HNF1B: variants seen among roughly 807,000 people sequenced by gnomAD.
HNF1B encodes hepatocyte nuclear factor 1-beta.
HNF1B carries 8 observed loss-of-function variants against 61.7 expected under a neutral mutation model. The ratio of observed to expected loss-of-function variants is 0.13; its 90% confidence interval spans 0.08 to 0.23. The LOEUF (loss-of-function observed/expected upper bound fraction) is 0.23, where lower values mean the gene tolerates loss of function less well. Among genes scored for constraint, HNF1B ranks in the 10% least tolerant of loss-of-function variants. HNF1B has a pLI of 1.00. For missense variants in HNF1B, 562 were observed against 714.5 expected (o/e 0.79, Z 2.43); for synonymous variants, 314 against 287.7 (o/e 1.09, Z -0.93).
intron 4 of HNF1B, among the ~76,000 whole-genome samples, chr17:37,717,303 G>A (rs1051886073): frequency 6.6e-6 from 1 of 152,158 alleles, no homozygotes; most frequent in Non-Finnish European, 1.5e-5. Context: ...CTCTGCCAGC[G>A]TAAGTGAGCG....
Position 37,744,919 on chromosome 17 carries a change from T to TGGGGGGGGGG in HNF1B, c.-36_-35insCCCCCCCCCC. The TGGGGGGGGGG allele has an allele frequency of 2.6e-6, 1 of 378,268 alleles. No individual in the cohort carries two copies. The highest frequency in any genetic ancestry group is 5.0e-5 in the East Asian group (1 of 20,032). The allele number at this position is 378,268 out of a possible 1,614,324, so 23.4% of individuals were successfully genotyped here. ...ACGGAAAAAGAAGGGGGTGAGGGGG[T>TGGGGGGGGGG]GGGTGGGTGCGAGAGAGGAGGGTGG... On this transcript the variant is annotated 5_prime_UTR_variant, in exon 1 of 9. Transcript: ENST00000617811.
chr17:37,718,655 A>G (rs1328539731), intron 4 of HNF1B, among the ~76,000 whole-genome samples: 1 of 152,166 alleles, frequency 6.6e-6, no homozygotes, highest in Non-Finnish European at 1.5e-5. Context: ...ACGACCCACT[A>G]ATAGCTTGAA....
chr17:37,723,018 AGAG>A (rs372922193), intron 4 of HNF1B, among the ~76,000 whole-genome samples: 8 of 152,190 alleles, frequency 5.3e-5, no homozygotes, highest in African/African-American at 1.9e-4. Context: ...AATACACATG[AGAG>A]GAGTACTCAC....
In HNF1B at chr17:37,687,007, C is replaced by T. The variant is rs1179856731; in HGVS notation, c.*365G>A. Reference sequence around the variant, plus strand: ...GTTCAATAGCACATGTCCTTCTCTCCTCATTTCAGTAACAGATTCAAGTTT... The same window carrying T: ...GTTCAATAGCACATGTCCTTCTCTCTTCATTTCAGTAACAGATTCAAGTTT... On this transcript the variant is annotated 3_prime_UTR_variant, in exon 9 of 9. Coordinates refer to ENST00000617811, the MANE Select transcript of HNF1B (RefSeq NM_000458.4). 6 of 500,674 alleles carry T rather than the reference C, an allele frequency of 1.2e-5. No individual in the cohort carries two copies. The highest frequency in any genetic ancestry group is 2.2e-5 in the Non-Finnish European group (6 of 274,230). 31.0% of individuals were successfully genotyped at this position (500,674 alleles called of 1,614,324 possible).
intron 1 of HNF1B, among the ~76,000 whole-genome samples, chr17:37,742,852 G>A (rs1373501648): frequency 1.3e-5 from 2 of 151,364 alleles, no homozygotes; most frequent in South Asian, 2.1e-4. Context: ...AGGGCCGCAC[G>A]GGGCGCCTGG....
chr17:37,715,570 A>G (rs2033080720), intron 4 of HNF1B, among the ~76,000 whole-genome samples: 2 of 152,190 alleles, frequency 1.3e-5, no homozygotes, highest in South Asian at 4.1e-4. Context: ...CTGTGTGTAC[A>G]TATGCGCACC....
At chr17:37,693,197 A>G (rs1182516428) in intron 8 of HNF1B, among the ~76,000 whole-genome samples, 3 of 142,316 alleles carry the variant, frequency 2.1e-5, no homozygotes, top group African/African-American at 8.2e-5. Flanking sequence ...CTCAAAAAAA[A>G]AAAAAAAAAA....
chr17:37,711,880 C>T (rs1356793105), intron 4 of HNF1B, among the ~76,000 whole-genome samples: 1 of 152,200 alleles, frequency 6.6e-6, no homozygotes, highest in Admixed American at 6.5e-5. Context: ...CCACCCACCC[C>T]CTGCCCTAGC....
intron 6 of HNF1B, among the ~76,000 whole-genome samples, chr17:37,701,793 G>A (rs1057104740): frequency 1.3e-5 from 2 of 152,146 alleles, no homozygotes; most frequent in Non-Finnish European, 2.9e-5. Flanking sequence ...TCTGCGAGGC[G>A]GGCATATCTT....
chr17:37,696,909 C>T (rs572392448), intron 8 of HNF1B, among the ~76,000 whole-genome samples: 30 of 152,324 alleles, frequency 2.0e-4, no homozygotes, highest in African/African-American at 6.0e-4. Flanking sequence ...CTTCACTGTG[C>T]CTTTCCCATT....
Position 37,704,941 on chromosome 17 carries a change from A to G in HNF1B, c.1315T>C (p.Ser439Pro). 1 of 1,614,032 alleles carries G rather than the reference A, an allele frequency of 6.2e-7. No homozygotes were observed. The highest frequency in any genetic ancestry group is 1.1e-5 in the South Asian group (1 of 91,076). The change falls in exon 6 of 9, where the codon TCT becomes CCT. Residue 439 changes from serine to proline, a missense_variant. By Grantham distance (74) the Ser-to-Pro change is moderately conservative (BLOSUM62 -1). Transcript: ENST00000617811. ...QSQNLIMTPL[S>P]GVMAIAQSLN... is the part of the protein sequence containing the mutation. ...CTTTGTGCAATTGCCATGACTCCAG[A>G]GAGGGGTGTCATGATGAGGTTTTGA...
intron 8 of HNF1B, among the ~76,000 whole-genome samples, chr17:37,696,513 C>T (rs562670458): frequency 6.6e-6 from 1 of 152,288 alleles, no homozygotes. Flanking sequence ...CACACTCTCA[C>T]CACGTGATGC....
At position 37,713,533 on chromosome 17, in the gene HNF1B, T is replaced by G. The variant is rs1035295013; in HGVS notation, c.1046-2870A>C. The stretch of plus-strand genomic sequence containing the variant: ...CTTTATTATATAAGAAATATAACGG[T>G]GGAGCTGCTCTGTCAAAAGACAGAT... On this transcript the variant is annotated intron_variant, in intron 4 of 8. Coordinates refer to ENST00000617811, the MANE Select transcript of HNF1B (RefSeq NM_000458.4). 7.9e-4 allele frequency among the ~76,000 whole-genome samples: 121 copies of G among 152,288 alleles called. 2 individuals carry two copies. Among genetic ancestry groups the G allele is most frequent in the Non-Finnish European group, 1.9e-4 (13 of 68,030 alleles).
chr17:37,713,222 G>A (rs1019615839), intron 4 of HNF1B, among the ~76,000 whole-genome samples: 3 of 152,146 alleles, frequency 2.0e-5, no homozygotes, highest in Admixed American at 6.5e-5. Flanking sequence ...CCCCATCATC[G>A]ATTCAGTCTC....
intron 1 of HNF1B, among the ~76,000 whole-genome samples, chr17:37,742,045 G>A (rs1354523843): frequency 6.6e-6 from 1 of 152,228 alleles, no homozygotes; most frequent in Non-Finnish European, 1.5e-5. Context: ...CCCTAACACC[G>A]AGAAAGGCAC....
chr17:37,692,961 C>T (rs949698349), intron 8 of HNF1B, among the ~76,000 whole-genome samples: 2 of 152,058 alleles, frequency 1.3e-5, no homozygotes, highest in East Asian at 1.9e-4. Flanking sequence ...GAGGCAGAGG[C>T]GGGCAGATCA....
chr17:37,716,844 C>CTCAA (rs2033134687), intron 4 of HNF1B, among the ~76,000 whole-genome samples: 1 of 32,144 alleles, frequency 3.1e-5, no homozygotes, highest in Admixed American at 2.4e-4. Flanking sequence ...CTTTAACAAT[C>CTCAA]TCTCTCTCTC....
intron 2 of HNF1B, among the ~76,000 whole-genome samples, chr17:37,736,455 A>G (rs1169067827): frequency 2.6e-5 from 4 of 152,216 alleles, no homozygotes; most frequent in African/African-American, 9.7e-5. Flanking sequence ...TTACAGATGA[A>G]GAAACTGAGG....
chr17:37,713,615 G>A (rs2033008792), intron 4 of HNF1B, among the ~76,000 whole-genome samples: 1 of 152,234 alleles, frequency 6.6e-6, no homozygotes, highest in Non-Finnish European at 1.5e-5. Context: ...TAGAGGCTCG[G>A]CTGGAAACTG....
Sources: gnomAD v4.1 joint callset for allele counts (sites outside exome capture counted in the v4.1 genomes callset) on GRCh38, gnomAD v4.1.1 for gene constraint, MANE v1.5 for transcripts, NCBI Gene and HGNC (gene_info 2026-07-23, HGNC 2026-07-21) for gene names.